PPP2R2C: variants seen among roughly 807,000 people sequenced by gnomAD.
The protein encoded by PPP2R2C is protein phosphatase 2 regulatory subunit Bgamma, also known as protein phosphatase 2, regulatory subunit B, gamma.
Under a neutral mutation model 45.3 loss-of-function variants are expected in PPP2R2C, and 10 were observed. That is an observed-to-expected ratio of 0.22 (90% confidence interval 0.14 to 0.37). The LOEUF is 0.37. Ranked by LOEUF, PPP2R2C falls within the 10% of genes least tolerant of loss-of-function variation. PPP2R2C has a pLI of 1.00. For synonymous variants in PPP2R2C, 257 were observed against 245.4 expected (o/e 1.05, Z -0.44); for missense variants, 308 against 619.7 (o/e 0.50, Z 5.34).
At chr4:6,410,261 C>A (rs1718074893) in intron 1 of PPP2R2C, among the ~76,000 whole-genome samples, 1 of 152,212 alleles carries the variant, frequency 6.6e-6, no homozygotes, top group African/African-American at 2.4e-5. Context: ...CACTTGTTCA[C>A]ACAGAGCCTA....
chr4:6,333,475 A>G lies in PPP2R2C; in HGVS notation c.960+87T>C. The G allele has an allele frequency of 2.7e-6, 4 of 1,467,862 alleles. No homozygotes were observed. The South Asian group carries it at 5.3e-5, about 20-fold the overall frequency. The allele number at this position is 1,467,862 out of a possible 1,614,324, so 90.9% of individuals were successfully genotyped here. A position where few individuals can be genotyped will look rare whatever the true frequency, so the allele number is the denominator to read the frequency against. On this transcript the variant is annotated intron_variant, in intron 7 of 8. Coordinates refer to ENST00000382599, the MANE Select transcript of PPP2R2C (RefSeq NM_020416.4). ...CCTACATACCGGGCATATGAAAGCC[A>G]CGCCTGGCTAGGAAGGCCCCCTCCA...
chr4:6,372,538 T>C lies in PPP2R2C; in HGVS notation c.610A>G (p.Thr204Ala). Residue 204 changes from threonine (T) to alanine (A), a missense_variant, in exon 5 of 9, where the codon ACC becomes GCC. Transcript: ENST00000382599. Reference sequence around the variant, plus strand: ...TGAAGGATACTGAAGCTCCTGTCGGTGATGGCCAGGTGCCAGAGGTTGATG... The same window carrying C: ...TGAAGGATACTGAAGCTCCTGTCGGCGATGGCCAGGTGCCAGAGGTTGATG... ...LRINLWHLAI[T>A]DRSFNIVDIK... 2 of 1,614,078 alleles carry C rather than the reference T, an allele frequency of 1.2e-6. No individual in the cohort carries two copies. Among genetic ancestry groups the C allele is most frequent in the Non-Finnish European group, 1.7e-6 (2 of 1,179,986 alleles).
rs1054071592 is a variant in PPP2R2C, at chr4:6,340,220, A to G, written c.791-6489T>C. On this transcript the variant is annotated intron_variant, in intron 6 of 8. Transcript: ENST00000382599. Reference sequence around the variant, plus strand: ...GCCCGGCACGCTCTCCCCTTAACCCATCTTTGCACACAAGAGCCCACCCCT... The same window carrying G: ...GCCCGGCACGCTCTCCCCTTAACCCGTCTTTGCACACAAGAGCCCACCCCT... Among the ~76,000 whole-genome samples, 8 of 151,938 alleles carry G rather than the reference A, an allele frequency of 5.3e-5. No homozygotes were observed. The South Asian group carries it at 8.3e-4, about 16-fold the overall frequency.
intron 1 of PPP2R2C, among the ~76,000 whole-genome samples, chr4:6,449,219 G>A (rs1017351176): frequency 7.9e-5 from 12 of 152,130 alleles, no homozygotes; most frequent in Admixed American, 3.9e-4. Flanking sequence ...TCGCAGCACC[G>A]TGCGAAACGG....
intron 1 of PPP2R2C, chr4:6,381,470 G>T (rs1305684671): frequency 7.3e-7 from 1 of 1,370,178 alleles, no homozygotes; most frequent in Non-Finnish European, 9.5e-7. Flanking sequence ...TGCCACCCAG[G>T]CCCCCATGCT....
chr4:6,413,877 C>T (rs1718371541), intron 1 of PPP2R2C: 1 of 1,536,094 alleles, frequency 6.5e-7, no homozygotes, highest in East Asian at 2.4e-5. Context: ...TCCCAACTCT[C>T]ATGATGCCCC....
At chr4:6,429,634 A>G (rs893732436) in intron 1 of PPP2R2C, among the ~76,000 whole-genome samples, 22 of 152,224 alleles carry the variant, frequency 1.4e-4, no homozygotes, top group African/African-American at 5.1e-4. Context: ...GCTCCCTGAC[A>G]CTGCTTGTTG....
At chr4:6,512,479 GTGGTGA>G (rs1723661254) in intron 2 of PPP2R2C, among the ~76,000 whole-genome samples, 1 of 122,754 alleles carries the variant, frequency 8.1e-6, no homozygotes, top group South Asian at 3.3e-4. Context: ...GGTGGTAGTG[GTGGTGA>G]TGGTGATGGT....
At chr4:6,544,961 T>C (rs1724930252) in intron 1 of PPP2R2C, among the ~76,000 whole-genome samples, 1 of 152,248 alleles carries the variant, frequency 6.6e-6, no homozygotes, top group South Asian at 2.1e-4. Flanking sequence ...TTAAATTTTT[T>C]TTTATAATTT....
intron 1 of PPP2R2C, among the ~76,000 whole-genome samples, chr4:6,392,461 G>A (rs1185900162): frequency 6.6e-6 from 1 of 152,138 alleles, no homozygotes; most frequent in East Asian, 1.9e-4. Context: ...GGCTGTTTTA[G>A]CTGGGGAGGC....
At chr4:6,512,359 A>G (rs867491058) in intron 2 of PPP2R2C, among the ~76,000 whole-genome samples, 3 of 10,968 alleles carry the variant, frequency 2.7e-4, no homozygotes, top group Admixed American at 1.1e-3. Flanking sequence ...GATGGTGCTG[A>G]TGGTGGTGGT....
At chr4:6,375,692 C>T in intron 4 of PPP2R2C, 127 bp downstream of exon 4, 1 of 767,518 alleles carries the variant, frequency 1.3e-6, no homozygotes, top group East Asian at 2.6e-5. Flanking sequence ...CCGTGGCCGC[C>T]CAGCAGCCAG....
At chr4:6,349,820 G>T in intron 5 of PPP2R2C, 1 of 902,248 alleles carries the variant, frequency 1.1e-6, no homozygotes, top group Non-Finnish European at 1.3e-6. Flanking sequence ...GAACCTGGGA[G>T]GTGGATGTTG....
At chr4:6,523,572 G>C (rs981385644) in intron 2 of PPP2R2C, 1 of 152,248 alleles carries the variant, frequency 6.6e-6, no homozygotes, top group Non-Finnish European at 1.5e-5. Context: ...TGCAAAGCGA[G>C]TGTTGGCTGT....
chr4:6,408,824 G>A (rs1210329315), intron 1 of PPP2R2C, among the ~76,000 whole-genome samples: 1 of 151,284 alleles, frequency 6.6e-6, no homozygotes, highest in Non-Finnish European at 1.5e-5. Flanking sequence ...GGGGGCTGCA[G>A]CTGGTCAGGG....
intron 1 of PPP2R2C, among the ~76,000 whole-genome samples, chr4:6,456,315 C>G (rs1051920920): frequency 2.0e-5 from 3 of 148,262 alleles, no homozygotes; most frequent in Non-Finnish European, 4.5e-5. Flanking sequence ...TTTCCCCCCC[C>G]CCCCTTTATT....
chr4:6,554,246 A>T (rs984813017), intron 1 of PPP2R2C, among the ~76,000 whole-genome samples: 3 of 152,208 alleles, frequency 2.0e-5, no homozygotes, highest in Non-Finnish European at 2.9e-5. Context: ...CAAAGAGGAA[A>T]TTTGGACACA....
chr4:6,368,978 G>T lies in PPP2R2C; in HGVS notation c.625+3545C>A, dbSNP rs11724710. Among the ~76,000 whole-genome samples the T allele has an allele frequency of 0.74, 112,829 of 152,178 alleles. 45,128 individuals are homozygous for T. Among genetic ancestry groups the T allele is most frequent in the East Asian group, 0.93 (4,802 of 5,180 alleles). The stretch of plus-strand genomic sequence containing the variant: ...CAGTAATGTAATATAGATGCAGACG[G>T]GGAGACAGGATTCAATCCTTCTGAT... On this transcript the variant is annotated intron_variant, in intron 5 of 8. Transcript: ENST00000382599. The surrounding 1 kb of genome is among the most constrained non-coding windows in gnomAD (Gnocchi z 4.2).
intron 1 of PPP2R2C, among the ~76,000 whole-genome samples, chr4:6,451,181 C>T (rs1339465381): frequency 2.0e-5 from 3 of 152,184 alleles, no homozygotes; most frequent in African/African-American, 7.2e-5. Context: ...CTCCTCAGGA[C>T]ACAGACCTTG....
Sources: gnomAD v4.1 joint callset for allele counts (sites outside exome capture counted in the v4.1 genomes callset) on GRCh38, gnomAD v4.1.1 for gene constraint, Gnocchi (gnomAD v3.1) non-coding constraint, MANE v1.5 for transcripts, NCBI Gene and HGNC (gene_info 2026-07-23, HGNC 2026-07-21) for gene names.